The following MICU1 variants were observed in gnomAD, a reference collection of about 807,000 sequenced individuals.
MICU1 encodes the protein calcium uptake protein 1, mitochondrial.
In MICU1, 45 loss-of-function variants were observed where a neutral mutation model predicts 56.8. The ratio of observed to expected loss-of-function variants is 0.79; its 90% CI spans 0.62 to 1.02. MICU1 has a LOEUF of 1.02. Among genes scored for constraint, MICU1 ranks in the 50% least tolerant of loss-of-function variants. MICU1 has a pLI of 0.00. For synonymous variants in MICU1, 186 were observed against 195.1 expected (o/e 0.95, Z 0.39); for missense variants, 504 against 587.1 (o/e 0.86, Z 1.46).
At chr10:72,426,657 C>T (rs1481871746) in intron 8 of MICU1, among the ~76,000 whole-genome samples, 2 of 152,078 alleles carry the variant, frequency 1.3e-5, no homozygotes, top group Non-Finnish European at 2.9e-5. Context: ...TCAGGCCTCC[C>T]AAAGTGCTGG....
chr10:72,495,057 TCA>T (rs1252100286), intron 6 of MICU1, among the ~76,000 whole-genome samples: 27 of 152,302 alleles, frequency 1.8e-4, no homozygotes, highest in African/African-American at 6.3e-4. Context: ...GAAAGATTAT[TCA>T]ATATCAGTGA....
At chr10:72,411,658 G>T (rs16929824) in intron 9 of MICU1, among the ~76,000 whole-genome samples, 6,239 of 152,084 alleles carry the variant, frequency 0.041, 423 homozygotes, top group African/African-American at 0.14. Context: ...GAGAGTTAGG[G>T]GACTAAGTTA....
At chr10:72,536,721 G>A (rs1475218152) in intron 4 of MICU1, among the ~76,000 whole-genome samples, 1 of 152,146 alleles carries the variant, frequency 6.6e-6, no homozygotes, top group African/African-American at 2.4e-5. Flanking sequence ...TTATTTAACT[G>A]AATATATCCA....
chr10:72,427,222 G>T (rs1012701729), intron 8 of MICU1, among the ~76,000 whole-genome samples: 1 of 152,148 alleles, frequency 6.6e-6, no homozygotes, highest in Non-Finnish European at 1.5e-5. Context: ...TTCCCCAGGG[G>T]GCTGCAGGGT....
chr10:72,381,961 TATACACAC>T (rs1340944722), intron 10 of MICU1, among the ~76,000 whole-genome samples: 7 of 72,648 alleles, frequency 9.6e-5, no homozygotes, highest in African/African-American at 3.2e-4. Flanking sequence ...TATATATATC[TATACACAC>T]ACACACACAC....
intron 1 of MICU1, among the ~76,000 whole-genome samples, chr10:72,586,304 G>A (rs552061176): frequency 2.8e-4 from 43 of 152,020 alleles, no homozygotes; most frequent in Admixed American, 2.6e-4. Context: ...GAGCCACCAT[G>A]CCCAGCATCA....
At position 72,566,680 on chromosome 10, in the gene MICU1, G is replaced by A; in HGVS notation, c.114C>T (p.Phe38=). 1 of 1,613,042 alleles carries A rather than the reference G, an allele frequency of 6.2e-7. No homozygotes were observed. The highest frequency in any genetic ancestry group is 8.5e-7 in the Non-Finnish European group (1 of 1,179,500). The stretch of plus-strand genomic sequence containing the variant: ...TTGCAGTTACTGCAGATGCTCCCAG[G>A]AAAGCCACCATCATTAGTCTTCGCC... The part of the protein sequence containing the change: ...QIRRRLMMVA[F]LGASAVTAST... Residue 38 remains phenylalanine, a synonymous_variant, in exon 2 of 12, where the codon TTC becomes TTT. Coordinates refer to ENST00000361114, the MANE Select transcript of MICU1 (RefSeq NM_001195518.2).
Position 72,614,311 on chromosome 10 carries a change from T to C in MICU1, c.-2+11699A>G, listed in dbSNP as rs559781470. ...TAGTGCAGGCACTACAGAAAAAGTA[T>C]GGCAGCTCCTCAAAAAATTAAACAT... On this transcript the variant is annotated intron_variant, in intron 1 of 11. Coordinates refer to ENST00000361114, the MANE Select transcript of MICU1 (RefSeq NM_001195518.2). 1.2e-3 allele frequency among the ~76,000 whole-genome samples: 184 copies of C among 152,250 alleles called. 2 individuals carry two copies. The highest frequency in any genetic ancestry group is 2.1e-3 in the Non-Finnish European group (143 of 68,018).
At chr10:72,446,563 A>G (rs1438166266) in intron 8 of MICU1, among the ~76,000 whole-genome samples, 1 of 152,140 alleles carries the variant, frequency 6.6e-6, no homozygotes, top group Non-Finnish European at 1.5e-5. Context: ...TCCTGACCTC[A>G]AGTGATCCAC....
At chr10:72,498,504 T>C (rs1188729517) in intron 6 of MICU1, among the ~76,000 whole-genome samples, 1 of 152,108 alleles carries the variant, frequency 6.6e-6, no homozygotes, top group Non-Finnish European at 1.5e-5. Context: ...GAGAATGGCT[T>C]GAACCCAGGA....
chr10:72,521,294 G>A (rs777979270), intron 5 of MICU1, among the ~76,000 whole-genome samples: 6 of 152,036 alleles, frequency 3.9e-5, no homozygotes, highest in Admixed American at 2.0e-4. Context: ...CCAAGAAACC[G>A]TGTTGATGAA....
chr10:72,539,228 T>C (rs2132421269), intron 4 of MICU1, among the ~76,000 whole-genome samples: 1 of 152,322 alleles, frequency 6.6e-6, no homozygotes, highest in African/African-American at 2.4e-5. Flanking sequence ...AACTGTACTC[T>C]GGACCAAATG....
chr10:72,397,379 G>A (rs1589169721), intron 10 of MICU1, among the ~76,000 whole-genome samples: 1 of 152,206 alleles, frequency 6.6e-6, no homozygotes, highest in African/African-American at 2.4e-5. Flanking sequence ...ATCAATTAAT[G>A]GGCAAAATAA....
At chr10:72,462,124 C>T (rs929697902) in intron 8 of MICU1, among the ~76,000 whole-genome samples, 20 of 152,046 alleles carry the variant, frequency 1.3e-4, no homozygotes, top group African/African-American at 4.6e-4. Context: ...AATGAAACAA[C>T]GTACAGACAG....
chr10:72,368,775 A>C (rs1237011186), intron 11 of MICU1, among the ~76,000 whole-genome samples: 2 of 152,184 alleles, frequency 1.3e-5, no homozygotes, highest in Admixed American at 6.5e-5. Context: ...CAGATAGTAA[A>C]GGCTTCCTGG....
chr10:72,416,366 G>T (rs991988394), intron 9 of MICU1, among the ~76,000 whole-genome samples: 1 of 152,088 alleles, frequency 6.6e-6, no homozygotes. Context: ...CATTTCACAC[G>T]CTATACTACA....
chr10:72,546,882 C>G (rs938727259), intron 4 of MICU1, among the ~76,000 whole-genome samples: 1 of 151,228 alleles, frequency 6.6e-6, no homozygotes, highest in African/African-American at 2.4e-5. Flanking sequence ...CAAGCCACCA[C>G]GCTCGTCTAA....
intron 1 of MICU1, among the ~76,000 whole-genome samples, chr10:72,596,451 A>G (rs981168533): frequency 6.6e-6 from 1 of 152,104 alleles, no homozygotes; most frequent in Non-Finnish European, 1.5e-5. Context: ...AAGATTTTTT[A>G]AGTTCTAGAA....
At chr10:72,619,121 A>G (rs1025583253) in intron 1 of MICU1, among the ~76,000 whole-genome samples, 5 of 152,192 alleles carry the variant, frequency 3.3e-5, no homozygotes, top group South Asian at 2.1e-4. Flanking sequence ...TTATTGGATT[A>G]TATCTTTTTT....
Sources: allele counts gnomAD v4.1 joint callset (sites outside exome capture counted in the v4.1 genomes callset), GRCh38; gene constraint gnomAD v4.1.1; transcripts MANE v1.5; gene names NCBI Gene and HGNC (gene_info 2026-07-23, HGNC 2026-07-21).